DAB1: variants seen among roughly 807,000 people sequenced by gnomAD.
DAB1 encodes disabled homolog 1.
A neutral mutation model predicts 64.6 loss-of-function variants in DAB1; 15 were observed. The ratio of observed to expected loss-of-function variants is 0.23; its 90% confidence interval spans 0.16 to 0.36. DAB1 has a LOEUF of 0.36. Among genes scored for constraint, DAB1 ranks in the 10% least tolerant of loss-of-function variants. The pLI is 1.00. For missense variants in DAB1, 596 were observed against 706.7 expected, an observed-to-expected ratio of 0.84 and a Z score of 1.78; for synonymous variants, 235 against 251.9, an observed-to-expected ratio of 0.93 and a Z score of 0.64.
chr1:57,280,605 G>A (rs1671811494), intron 2 of DAB1, among the ~76,000 whole-genome samples: 1 of 152,204 alleles, frequency 6.6e-6, no homozygotes, highest in Non-Finnish European at 1.5e-5. Context: ...GTCACTGCCA[G>A]AGGCAGCACA....
rs1348158952 is a variant in DAB1, at chr1:58,378,143, G to C, written n.258-34740C>G. Reference sequence around the variant, plus strand: ...GGTTTGAATGTTCTCCCATAGCTCAGAGTAATTTGATCGTCTGAAGCCTTC... The same window carrying C: ...GGTTTGAATGTTCTCCCATAGCTCACAGTAATTTGATCGTCTGAAGCCTTC... On this transcript the variant is annotated intron_variant and non_coding_transcript_variant, in intron 3 of 20. Transcript: ENST00000485760. Among the ~76,000 whole-genome samples the C allele has an allele frequency of 1.0e-4, 13 of 126,858 alleles. 2 individuals are homozygous for C. The highest frequency in any genetic ancestry group is 2.2e-4 in the Non-Finnish European group (13 of 58,578). 83.2% of individuals were successfully genotyped at this position (126,858 alleles called of 152,430 possible). A position where few individuals can be genotyped will look rare whatever the true frequency, so the allele number is the denominator to read the frequency against.
intron 7 of DAB1, among the ~76,000 whole-genome samples, chr1:57,644,456 A>G (rs1201257933): frequency 6.6e-6 from 1 of 152,190 alleles, no homozygotes; most frequent in Admixed American, 6.5e-5. Context: ...CCCTATTATA[A>G]AAAGCTCATG....
chr1:57,724,492 G>C (rs1647185770), intron 6 of DAB1, among the ~76,000 whole-genome samples: 1 of 152,132 alleles, frequency 6.6e-6, no homozygotes, highest in African/African-American at 2.4e-5. Context: ...GCTCCTCCCT[G>C]GAGAATGCCT....
intron 5 of DAB1, among the ~76,000 whole-genome samples, chr1:57,934,009 C>A (rs1644989104): frequency 6.6e-6 from 1 of 151,374 alleles, no homozygotes; most frequent in Non-Finnish European, 1.5e-5. Flanking sequence ...AGTTCTCCTG[C>A]CTCAGCCTCC....
chr1:57,194,366 A>C (rs1664441311), intron 2 of DAB1, among the ~76,000 whole-genome samples: 1 of 152,218 alleles, frequency 6.6e-6, no homozygotes, highest in South Asian at 2.1e-4. Context: ...ATTTCACGTA[A>C]GGTGCTGAGA....
intron 2 of DAB1, among the ~76,000 whole-genome samples, chr1:57,276,852 T>A (rs59762173): frequency 0.084 from 12,795 of 152,264 alleles, 1,496 homozygotes; most frequent in African/African-American, 0.26. Flanking sequence ...TCTCTCTTTC[T>A]TATTAGATTT....
intron 4 of DAB1, among the ~76,000 whole-genome samples, chr1:58,234,749 G>A (rs1659939692): frequency 6.6e-6 from 1 of 152,154 alleles, no homozygotes; most frequent in African/African-American, 2.4e-5. Flanking sequence ...AGACTTCCTG[G>A]GCCAGATCAT....
chr1:57,160,713 C>T (rs879283814), intron 2 of DAB1, among the ~76,000 whole-genome samples: 3 of 152,178 alleles, frequency 2.0e-5, no homozygotes, highest in Non-Finnish European at 4.4e-5. Context: ...AACCTCCATT[C>T]TCATCTGGTG....
At chr1:57,913,483 T>C (rs1644679152) in intron 5 of DAB1, among the ~76,000 whole-genome samples, 1 of 152,064 alleles carries the variant, frequency 6.6e-6, no homozygotes, top group South Asian at 2.1e-4. Flanking sequence ...CCTAAAACCA[T>C]AAAAACCCTA....
intron 5 of DAB1, among the ~76,000 whole-genome samples, chr1:58,088,270 C>T (rs1383892654): frequency 6.6e-6 from 1 of 152,176 alleles, no homozygotes; most frequent in Non-Finnish European, 1.5e-5. Flanking sequence ...TGCCTTAAGA[C>T]TTTTATAGAG....
chr1:58,170,511 G>A (rs779329791), intron 4 of DAB1, among the ~76,000 whole-genome samples: 31 of 152,076 alleles, frequency 2.0e-4, no homozygotes, highest in Admixed American at 5.9e-4. Flanking sequence ...ACCTGGCAAC[G>A]TTGGTTTTAT....
chr1:57,920,226 C>A (rs140103459), intron 5 of DAB1, among the ~76,000 whole-genome samples: 5 of 152,160 alleles, frequency 3.3e-5, no homozygotes, highest in Admixed American at 3.3e-4. Context: ...GCATTCTTTC[C>A]AAGGCCTTAT....
chr1:57,697,791 C>T lies in DAB1; in HGVS notation n.552-48126G>A, dbSNP rs143040200. ...TTCTTTCTGTCTTCTCTGCAATCCA[C>T]GGCACTACTAGGGAGATTCTTTCAA... On this transcript the variant is annotated intron_variant and non_coding_transcript_variant, in intron 6 of 20. Coordinates refer to the DAB1 transcript ENST00000485760. Among the ~76,000 whole-genome samples the T allele has an allele frequency of 3.5e-3, 539 of 152,274 alleles. 2 individuals are homozygous for T. Among genetic ancestry groups the T allele is most frequent in the South Asian group, 6.0e-3 (29 of 4,822 alleles).
At chr1:57,524,781 A>G (rs1313309374) in intron 7 of DAB1, among the ~76,000 whole-genome samples, 6 of 152,194 alleles carry the variant, frequency 3.9e-5, no homozygotes, top group Non-Finnish European at 7.3e-5. Context: ...ATCTTCAGTT[A>G]CTTCAGGCCA....
chr1:57,156,863 A>C (rs1042515025), intron 2 of DAB1, among the ~76,000 whole-genome samples: 2 of 152,156 alleles, frequency 1.3e-5, no homozygotes, highest in African/African-American at 2.4e-5. Context: ...TTTTCCACAG[A>C]CCTCGAAGAT....
At chr1:58,052,860 G>T (rs569699368) in intron 5 of DAB1, among the ~76,000 whole-genome samples, 1 of 152,124 alleles carries the variant, frequency 6.6e-6, no homozygotes. Flanking sequence ...GAATAGAAGC[G>T]ATTTACTAGG....
At chr1:57,193,186 T>C (rs977002275) in intron 2 of DAB1, among the ~76,000 whole-genome samples, 4 of 151,924 alleles carry the variant, frequency 2.6e-5, no homozygotes, top group African/African-American at 9.7e-5. Context: ...TGAAATTCTG[T>C]GCCCTTGACC....
chr1:58,226,494 T>C (rs948269480), intron 4 of DAB1, among the ~76,000 whole-genome samples: 3 of 152,084 alleles, frequency 2.0e-5, no homozygotes, highest in Non-Finnish European at 4.4e-5. Context: ...AAGCCAAGTC[T>C]TGGGTTCTTC....
intron 6 of DAB1, among the ~76,000 whole-genome samples, chr1:57,723,941 A>G (rs1647178958): frequency 6.6e-6 from 1 of 152,052 alleles, no homozygotes; most frequent in Admixed American, 6.6e-5. Context: ...ACCTGTAACT[A>G]TTTTCAATTC....
Sources: gnomAD v4.1 joint callset for allele counts (sites outside exome capture counted in the v4.1 genomes callset) on GRCh38, gnomAD v4.1.1 for gene constraint, MANE v1.5 for transcripts, NCBI Gene and HGNC (gene_info 2026-07-23, HGNC 2026-07-21) for gene names.